The following RTN2 variants were observed in gnomAD, a reference collection of about 807,000 sequenced individuals.
The protein encoded by RTN2 is reticulon-2.
In RTN2, 36 loss-of-function variants were observed where a neutral mutation model predicts 63.7. That is an observed-to-expected ratio of 0.56 (90% CI 0.43 to 0.75). The LOEUF (loss-of-function observed/expected upper bound fraction) is 0.75, where lower values mean the gene tolerates loss of function less well. Among genes scored for constraint, RTN2 ranks in the 30% least tolerant of loss-of-function variants. The pLI, the probability that RTN2 is intolerant of heterozygous loss-of-function variation, is 0.00. For missense variants in RTN2, 673 were observed against 705.1 expected, an observed-to-expected ratio of 0.95 and a Z score of 0.52; for synonymous variants, 312 against 313.0, an observed-to-expected ratio of 1.00 and a Z score of 0.03.
intron 4 of RTN2, 173 bp downstream of exon 4, chr19:45,493,993 G>T (rs879358694): frequency 1.8e-6 from 2 of 1,128,100 alleles, no homozygotes; most frequent in East Asian, 2.4e-5. Flanking sequence ...CCCGGCCGGG[G>T]AAATTTTTTT....
chr19:45,485,694 CAG>C lies in RTN2; in HGVS notation c.*12_*13del, dbSNP rs761978138. The C allele has an allele frequency of 6.2e-7, 1 of 1,610,992 alleles. No individual in the cohort carries two copies. The highest frequency in any genetic ancestry group is 1.3e-5 in the African/African-American group (1 of 74,966). ...GGGCTGGGGGCAGGCGTCCTGCGGG[CAG>C]AGACACCGTTCTCATTCGGCTTTGG... On this transcript the variant is annotated 3_prime_UTR_variant, in exon 11 of 11. Transcript: ENST00000245923.
At position 45,494,482 on chromosome 19, in the gene RTN2, A is replaced by AC; in HGVS notation, c.559+43dup. On this transcript the variant is annotated intron_variant, in intron 3 of 10. Transcript: ENST00000245923. The surrounding 1 kb of genome is among the most constrained non-coding windows in gnomAD (Gnocchi z 5.3). ...CTTGGAGGTGCCCCAAGGAGAAACC[A>AC]CCCACCCCTCTTGGCTTTGGTCCCA... The AC allele has an allele frequency of 6.2e-7, 1 of 1,604,340 alleles. No individual in the cohort carries two copies.
In RTN2 at chr19:45,495,088, C is replaced by A. The variant is rs2298887; in HGVS notation, c.79+7G>T. ...CTGAGCCCCTTCACATGCTCCCCAC[C>A]ACTTACCTTCTGTGGAATCAGGAGT... On this transcript the variant is annotated splice_region_variant and intron_variant, in intron 2 of 10. Coordinates refer to ENST00000245923, the MANE Select transcript of RTN2 (RefSeq NM_005619.5). 0.15 allele frequency: 248,611 copies of A among 1,614,014 alleles called. 20,004 individuals are homozygous for A. The highest frequency in any genetic ancestry group is 0.23 in the South Asian group (20,752 of 91,076).
Position 45,485,557 on chromosome 19 carries a change from T to C in RTN2, c.*151A>G. 3 of 640,688 alleles carry C rather than the reference T, an allele frequency of 4.7e-6. No individual in the cohort carries two copies. The highest frequency in any genetic ancestry group is 2.6e-5 in the East Asian group (1 of 38,012). The allele number at this position is 640,688 out of a possible 1,614,324, so 39.7% of individuals were successfully genotyped here. A position where few individuals can be genotyped will look rare whatever the true frequency, so the allele number is the denominator to read the frequency against. On this transcript the variant is annotated 3_prime_UTR_variant, in exon 11 of 11. Coordinates refer to ENST00000245923, the MANE Select transcript of RTN2 (RefSeq NM_005619.5). ...ATGTAGTCCTGGTCGCTCAGGTAATTAGCGCAGAGTCCCTAGTGGGAGTGA... is the reference window on the plus strand; with the variant it reads ...ATGTAGTCCTGGTCGCTCAGGTAATCAGCGCAGAGTCCCTAGTGGGAGTGA...
chr19:45,488,660 T>A lies in RTN2; in HGVS notation c.1427A>T (p.Asn476Ile). 6.2e-7 allele frequency: 1 copy of A among 1,613,932 alleles called. No individual in the cohort carries two copies. The highest frequency in any genetic ancestry group is 1.7e-5 in the Admixed American group (1 of 59,952). ...YILTFVGAIF[N>I]GLTLLILGVI... ...ACCCAGAATGAGAAGAGTCAAACCA[T>A]TGAAGATGGCACCCACGAAGGTCAA... Residue 476 changes from asparagine (N) to isoleucine (I), a missense_variant, in exon 8 of 11, where the codon AAT (asparagine) becomes ATT (isoleucine). Asn to Ile is a moderately radical substitution (Grantham distance 149, BLOSUM62 -3). Transcript: ENST00000245923.
intron 1 of RTN2, 34 bp downstream of exon 1, chr19:45,496,758 G>A (rs1599916390): frequency 6.9e-7 from 1 of 1,450,912 alleles, no homozygotes; most frequent in African/African-American, 1.4e-5. Flanking sequence ...GAACCTCTGG[G>A]GCCCACACCA....
In RTN2 at chr19:45,488,659, A is replaced by G; in HGVS notation, c.1428T>C (p.Asn476=). 1 of 1,614,018 alleles carries G rather than the reference A, an allele frequency of 6.2e-7. No homozygotes were observed. Among genetic ancestry groups the G allele is most frequent in the Non-Finnish European group, 8.5e-7 (1 of 1,179,970 alleles). ...CACCCAGAATGAGAAGAGTCAAACC[A>G]TTGAAGATGGCACCCACGAAGGTCA... ...YILTFVGAIF[N]GLTLLILGVI... The change falls in exon 8 of 11, where the codon AAT becomes AAC. Residue 476 remains asparagine, a synonymous_variant. Transcript: ENST00000245923.
chr19:45,490,922 TGTTGCCCAG>T (rs1968144635), intron 5 of RTN2, among the ~76,000 whole-genome samples: 1 of 150,416 alleles, frequency 6.6e-6, no homozygotes, highest in Non-Finnish European at 1.5e-5. Context: ...GTTTCGCTCT[TGTTGCCCAG>T]GCTGGAGTGC....
chr19:45,496,520 CCCGGGCGGGG>C (rs1437146078), intron 1 of RTN2: 2 of 344,996 alleles, frequency 5.8e-6, no homozygotes, highest in East Asian at 4.2e-5. Flanking sequence ...CGTCCTCGCT[CCCGGGCGGGG>C]CCGGGCGGTA....
In RTN2 at chr19:45,494,943, C is replaced by T. The variant is rs375715266; in HGVS notation, c.142G>A (p.Glu48Lys). 5.0e-6 allele frequency: 8 copies of T among 1,613,750 alleles called. No homozygotes were observed. In the African/African-American group the frequency reaches 1.1e-4, roughly 22 times the overall value. ...HTAREFSEED[E>K]EETTSQDWGT... ...CAGTCCTGCGACGTGGTCTCCTCCT[C>T]GTCCTCCTCTGAGAATTCCCGGGCT... The change falls in exon 3 of 11, where the codon GAG (glutamate) becomes AAG (lysine). Residue 48 changes from glutamate (E) to lysine (K), a missense_variant. Physicochemically the swap from Glu to Lys is moderately conservative, Grantham distance 56. Coordinates refer to ENST00000245923, the MANE Select transcript of RTN2 (RefSeq NM_005619.5). This position sits in a 1 kb window ranked among gnomAD's most constrained non-coding sequence, Gnocchi z 5.3.
At chr19:45,493,997 T>A (rs1169722896) in intron 4 of RTN2, 169 bp downstream of exon 4, 7 of 1,173,152 alleles carry the variant, frequency 6.0e-6, no homozygotes, top group Non-Finnish European at 7.1e-6. Flanking sequence ...GCCGGGGAAA[T>A]TTTTTTAAAA....
chr19:45,489,584 T>G (rs1441073789), intron 5 of RTN2, 31 bp from the exon 6 acceptor site: 1 of 1,521,022 alleles, frequency 6.6e-7, no homozygotes, highest in East Asian at 2.4e-5. Context: ...TCAGGGCTTG[T>G]ACCTGACCTG....
In RTN2 at chr19:45,495,016, TGAA is replaced by T; in HGVS notation, c.80-14_80-12del. ...AGTCGTCGTTCCCTCCTGCAGTGGGTGAAGGAGAGCCTTGTTTCCCTCAGCAGG... is the reference window on the plus strand; with the variant it reads ...AGTCGTCGTTCCCTCCTGCAGTGGGTGGAGAGCCTTGTTTCCCTCAGCAGG... On this transcript the variant is annotated splice_polypyrimidine_tract_variant and intron_variant, in intron 2 of 10. Coordinates refer to ENST00000245923, the MANE Select transcript of RTN2 (RefSeq NM_005619.5). The T allele has an allele frequency of 6.2e-7, 1 of 1,613,950 alleles. No homozygotes were observed. The highest frequency in any genetic ancestry group is 8.5e-7 in the Non-Finnish European group (1 of 1,179,918).
At chr19:45,487,583 G>GTTTTTTTTTTTTTTTTTTTTTTTTT (rs4031036) in intron 9 of RTN2, among the ~76,000 whole-genome samples, 2 of 105,754 alleles carry the variant, frequency 1.9e-5, no homozygotes, top group Non-Finnish European at 3.7e-5. Context: ...TTATTTTTTG[G>GTTTTTTTTTTTTTTTTTTTTTTTTT]TTTTTTTTTT....
Position 45,487,032 on chromosome 19 carries a change from CTTTTTTTTTTTTTTT to C in RTN2, c.1498-934_1498-920del, listed in dbSNP as rs34799041. On this transcript the variant is annotated intron_variant, in intron 9 of 10. Coordinates refer to ENST00000245923, the MANE Select transcript of RTN2 (RefSeq NM_005619.5). ...ACAAGCGTGAGCCACCATGCCCAGCCTTTTTTTTTTTTTTTTTTTTTTTTTTTTTAGATAGGGTCT... is the reference window on the plus strand; with the variant it reads ...ACAAGCGTGAGCCACCATGCCCAGCCTTTTTTTTTTTTTTAGATAGGGTCT... Among the ~76,000 whole-genome samples, 236 of 39,192 alleles carry C rather than the reference CTTTTTTTTTTTTTTT, an allele frequency of 6.0e-3. 1 individual carries two copies. Among genetic ancestry groups the C allele is most frequent in the Non-Finnish European group, 9.2e-3 (199 of 21,694 alleles). The allele number at this position is 39,192 out of a possible 152,430, so 25.7% of individuals were successfully genotyped here.
chr19:45,488,144 C>T (rs1438844745), intron 9 of RTN2, among the ~76,000 whole-genome samples: 2 of 151,876 alleles, frequency 1.3e-5, no homozygotes, highest in African/African-American at 4.8e-5. Flanking sequence ...ATCCCAGCTA[C>T]TCAGAGATTG....
intron 5 of RTN2, 82 bp downstream of exon 5, chr19:45,493,078 T>C (rs966066274): frequency 8.3e-5 from 108 of 1,308,322 alleles, no homozygotes; most frequent in Admixed American, 3.4e-4. Flanking sequence ...ATAAAAATGC[T>C]CCGGATGTGC....
chr19:45,490,586 A>AT (rs979521534), intron 5 of RTN2, among the ~76,000 whole-genome samples: 5 of 131,858 alleles, frequency 3.8e-5, no homozygotes, highest in African/African-American at 1.1e-4. Context: ...TTTTGTTTTT[A>AT]TTTTTTTTGA....
Position 45,494,483 on chromosome 19 carries a change from C to T in RTN2, c.559+43G>A. On this transcript the variant is annotated intron_variant, in intron 3 of 10. Transcript: ENST00000245923. The surrounding 1 kb of genome is among the most constrained non-coding windows in gnomAD (Gnocchi z 5.3). ...TTGGAGGTGCCCCAAGGAGAAACCA[C>T]CCACCCCTCTTGGCTTTGGTCCCAG... 6.2e-7 allele frequency: 1 copy of T among 1,604,206 alleles called. No individual in the cohort carries two copies. Among genetic ancestry groups the T allele is most frequent in the Non-Finnish European group, 8.5e-7 (1 of 1,173,688 alleles).
Sources: allele counts gnomAD v4.1 joint callset (sites outside exome capture counted in the v4.1 genomes callset), GRCh38; gene constraint gnomAD v4.1.1; non-coding constraint Gnocchi (gnomAD v3.1); transcripts MANE v1.5; gene names NCBI Gene and HGNC (gene_info 2026-07-23, HGNC 2026-07-21).